Variants in PLPP4 observed in about 807,000 individuals in gnomAD.
PLPP4 encodes diacylglycerol pyrophosphate like 2.
PLPP4 carries 20 observed loss-of-function variants against 32.2 expected under a neutral mutation model. That is an observed-to-expected ratio of 0.62 (90% CI 0.44 to 0.90). The LOEUF (loss-of-function observed/expected upper bound fraction) is 0.90, where lower values mean the gene tolerates loss of function less well. Among genes scored for constraint, PLPP4 ranks in the 40% least tolerant of loss-of-function variants. The probability of loss-of-function intolerance (pLI) is 0.00; values close to 1 mark genes in which losing one functional copy is unlikely to be tolerated. For synonymous variants in PLPP4, 127 were observed against 133.0 expected (o/e 0.95, Z 0.31); for missense variants, 257 against 353.1 (o/e 0.73, Z 2.18).
intron 5 of PLPP4, among the ~76,000 whole-genome samples, chr10:120,523,858 G>A (rs146886824): frequency 3.2e-4 from 48 of 152,262 alleles, no homozygotes; most frequent in African/African-American, 1.1e-3. Context: ...ACTTGGGAAC[G>A]AAATAGCTGT....
intron 5 of PLPP4, among the ~76,000 whole-genome samples, chr10:120,538,030 C>CTG (rs2133953499): frequency 1.7e-5 from 1 of 58,678 alleles, no homozygotes; most frequent in African/African-American, 5.0e-5. Context: ...CTCTCTCTCT[C>CTG]TCTCTCTCTC....
At chr10:120,549,469 A>G (rs1847787560) in intron 5 of PLPP4, among the ~76,000 whole-genome samples, 1 of 151,872 alleles carries the variant, frequency 6.6e-6, no homozygotes, top group Non-Finnish European at 1.5e-5. Flanking sequence ...AAACTTTCAA[A>G]AAAGCCAGAA....
At chr10:120,488,974 G>T (rs1844584616) in intron 1 of PLPP4, among the ~76,000 whole-genome samples, 1 of 152,238 alleles carries the variant, frequency 6.6e-6, no homozygotes, top group African/African-American at 2.4e-5. Context: ...GAGATAAGAT[G>T]TAAGAAGTGT....
intron 1 of PLPP4, among the ~76,000 whole-genome samples, chr10:120,498,251 C>A (rs1589768437): frequency 6.6e-6 from 1 of 152,018 alleles, no homozygotes; most frequent in Non-Finnish European, 1.5e-5. Context: ...GTTTGAATCC[C>A]TATTAAGTGA....
chr10:120,512,105 A>C (rs1398050578), intron 2 of PLPP4, among the ~76,000 whole-genome samples: 1 of 152,080 alleles, frequency 6.6e-6, no homozygotes, highest in East Asian at 1.9e-4. Context: ...AAAAAAAAAC[A>C]AAATGTACAT....
At chr10:120,549,475 C>T (rs946609955) in intron 5 of PLPP4, among the ~76,000 whole-genome samples, 2 of 151,560 alleles carry the variant, frequency 1.3e-5, no homozygotes, top group African/African-American at 4.8e-5. Context: ...TCAAAAAAGC[C>T]AGAAGAACAG....
intron 5 of PLPP4, among the ~76,000 whole-genome samples, chr10:120,573,516 A>G (rs2134048145): frequency 6.6e-6 from 1 of 152,308 alleles, no homozygotes; most frequent in South Asian, 2.1e-4. Context: ...CATGCATCCT[A>G]AGTATTGTCT....
intron 5 of PLPP4, among the ~76,000 whole-genome samples, chr10:120,552,445 A>G (rs1038923947): frequency 2.6e-5 from 4 of 152,128 alleles, no homozygotes; most frequent in Admixed American, 2.6e-4. Flanking sequence ...TAAAGTTGGA[A>G]TCTGATTTGA....
intron 5 of PLPP4, 74 bp from the exon 6 acceptor site, chr10:120,575,057 G>A (rs1364049860): frequency 1.0e-5 from 15 of 1,502,094 alleles, no homozygotes; most frequent in Middle Eastern, 1.8e-4. Context: ...GACGGCAGAC[G>A]GAATGCCCAG....
intron 6 of PLPP4, 58 bp downstream of exon 6, chr10:120,575,359 G>A (rs1378078299): frequency 1.3e-6 from 2 of 1,556,778 alleles, no homozygotes; most frequent in East Asian, 2.3e-5. Flanking sequence ...CTCCTCCAGG[G>A]ATGGGTGTAG....
chr10:120,548,262 T>C (rs1427799203), intron 5 of PLPP4, among the ~76,000 whole-genome samples: 1 of 152,112 alleles, frequency 6.6e-6, no homozygotes, highest in African/African-American at 2.4e-5. Context: ...TCAGTTTTTG[T>C]CATTCTCGTC....
At chr10:120,471,499 C>T (rs984228312) in intron 1 of PLPP4, among the ~76,000 whole-genome samples, 7 of 151,892 alleles carry the variant, frequency 4.6e-5, no homozygotes, top group African/African-American at 1.7e-4. Context: ...TTCTATTTGT[C>T]TTTGTATTAA....
chr10:120,568,036 T>A (rs1229677956), intron 5 of PLPP4, among the ~76,000 whole-genome samples: 2 of 152,198 alleles, frequency 1.3e-5, no homozygotes, highest in Non-Finnish European at 2.9e-5. Context: ...TACAATCACT[T>A]GGGGCTTCTC....
chr10:120,577,099 A>G (rs1179394332), intron 6 of PLPP4, among the ~76,000 whole-genome samples: 1 of 152,240 alleles, frequency 6.6e-6, no homozygotes, highest in African/African-American at 2.4e-5. Flanking sequence ...TACTACACAC[A>G]TGCAAAGTGG....
chr10:120,543,910 C>T (rs1373172159), intron 5 of PLPP4, among the ~76,000 whole-genome samples: 3 of 152,214 alleles, frequency 2.0e-5, no homozygotes, highest in African/African-American at 7.2e-5. Context: ...TACGTATCCT[C>T]AGGATGCATC....
At chr10:120,556,167 T>C (rs1848155274) in intron 5 of PLPP4, among the ~76,000 whole-genome samples, 1 of 152,352 alleles carries the variant, frequency 6.6e-6, no homozygotes, top group Non-Finnish European at 1.5e-5. Context: ...AATCAGGATA[T>C]TTTCCTGTTG....
chr10:120,505,808 C>T (rs1166166728), intron 2 of PLPP4, among the ~76,000 whole-genome samples: 2 of 152,070 alleles, frequency 1.3e-5, no homozygotes, highest in East Asian at 1.9e-4. Flanking sequence ...TCTATAAATC[C>T]TAGATATAAA....
intron 5 of PLPP4, among the ~76,000 whole-genome samples, chr10:120,567,333 C>T (rs375509554): frequency 2.0e-5 from 3 of 152,252 alleles, no homozygotes; most frequent in East Asian, 3.9e-4. Flanking sequence ...TTTGTTTCCT[C>T]AGCTTTTCTG....
chr10:120,535,328 A>G (rs562814931), intron 5 of PLPP4, among the ~76,000 whole-genome samples: 1 of 152,120 alleles, frequency 6.6e-6, no homozygotes, highest in African/African-American at 2.4e-5. Flanking sequence ...AATAGAAAAC[A>G]TATGAAATTT....
Sources: gnomAD v4.1 joint callset for allele counts (sites outside exome capture counted in the v4.1 genomes callset) on GRCh38, gnomAD v4.1.1 for gene constraint, MANE v1.5 for transcripts, NCBI Gene and HGNC (gene_info 2026-07-23, HGNC 2026-07-21) for gene names.